Variants in SPRN observed in about 807,000 individuals in gnomAD.
SPRN encodes hypothetical protein BC004409.
For synonymous variants in SPRN, 182 were observed against 123.4 expected (o/e 1.48, Z -3.15); for missense variants, 312 against 241.4 (o/e 1.29, Z -1.94).
In SPRN at chr10:133,423,488, C is replaced by T. The variant is rs1380079061; in HGVS notation, c.194G>A (p.Arg65His). 8.6e-7 allele frequency: 1 copy of T among 1,161,954 alleles called. No individual in the cohort carries two copies. The highest frequency in any genetic ancestry group is 1.1e-6 in the Non-Finnish European group (1 of 947,234). 72.0% of individuals were successfully genotyped at this position (1,161,954 alleles called of 1,614,324 possible). A position where few individuals can be genotyped will look rare whatever the true frequency, so the allele number is the denominator to read the frequency against. ...GGCTGCCGCCCCGGCGGCAGCCACG[C>T]GCAGGGAGGAGCCCGGGGCACCGTA... is the stretch of plus-strand genomic sequence containing the variant. The part of the protein sequence containing the change: ...QRYGAPGSSL[R>H]VAAAGAAAGA... Residue 65 changes from arginine (R) to histidine (H), a missense_variant, in exon 2 of 2, where the codon CGC becomes CAC. By Grantham distance (29) the Arg-to-His change is conservative. Transcript: ENST00000685335.
chr10:133,422,889 G>C lies in SPRN; in HGVS notation c.*337C>G, dbSNP rs1040564107. 4.3e-6 allele frequency: 1 copy of C among 235,048 alleles called. No individual in the cohort carries two copies. The highest frequency in any genetic ancestry group is 8.2e-6 in the Non-Finnish European group (1 of 121,872). The allele number at this position is 235,048 out of a possible 1,614,324, so 14.6% of individuals were successfully genotyped here. A position where few individuals can be genotyped will look rare whatever the true frequency, so the allele number is the denominator to read the frequency against. Reference sequence around the variant, plus strand: ...TGGGCAGGCGAGGGGAGCCGGGGTGGCTTGGGTTCCTGGCCTTGGCACCTC... The same window carrying C: ...TGGGCAGGCGAGGGGAGCCGGGGTGCCTTGGGTTCCTGGCCTTGGCACCTC... On this transcript the variant is annotated 3_prime_UTR_variant, in exon 2 of 2. Transcript: ENST00000685335.
In SPRN at chr10:133,423,185, G is replaced by A. The variant is rs1850285151; in HGVS notation, c.*41C>T. On this transcript the variant is annotated 3_prime_UTR_variant, in exon 2 of 2. Transcript: ENST00000685335. ...AGGCCGGAGGATCCTGGGGGATGGC[G>A]CGGGCCGGGGGCCAGATGTGGTCCC... 2 of 1,360,474 alleles carry A rather than the reference G, an allele frequency of 1.5e-6. 1 individual carries two copies. Among genetic ancestry groups the A allele is most frequent in the South Asian group, 3.4e-5 (2 of 58,846 alleles). 84.3% of individuals were successfully genotyped at this position (1,360,474 alleles called of 1,614,324 possible). A position where few individuals can be genotyped will look rare whatever the true frequency, so the allele number is the denominator to read the frequency against.
At position 133,423,460 on chromosome 10, in the gene SPRN, C is replaced by T. The variant is rs1399883713; in HGVS notation, c.222G>A (p.Gly74=). The T allele has an allele frequency of 2.2e-5, 26 of 1,178,626 alleles. No homozygotes were observed. Among genetic ancestry groups the T allele is most frequent in the African/African-American group, 1.5e-4 (9 of 60,086 alleles). 73.0% of individuals were successfully genotyped at this position (1,178,626 alleles called of 1,614,324 possible). A position where few individuals can be genotyped will look rare whatever the true frequency, so the allele number is the denominator to read the frequency against. Residue 74 remains glycine, a synonymous_variant, in exon 2 of 2, where the codon GGG becomes GGA. Coordinates refer to ENST00000685335, the MANE Select transcript of SPRN (RefSeq NM_001391974.1). ...LRVAAAGAAA[G]AAAGAAAGLA... The stretch of plus-strand genomic sequence containing the variant: ...GGCCCGCGGCCGCTCCCGCCGCCGC[C>T]CCGGCTGCCGCCCCGGCGGCAGCCA...
chr10:133,422,893 G>T lies in SPRN; in HGVS notation c.*333C>A. 4.2e-6 allele frequency: 1 copy of T among 239,422 alleles called. No individual in the cohort carries two copies. Among genetic ancestry groups the T allele is most frequent in the Non-Finnish European group, 8.0e-6 (1 of 124,928 alleles). The allele number at this position is 239,422 out of a possible 1,614,324, so 14.8% of individuals were successfully genotyped here. A position where few individuals can be genotyped will look rare whatever the true frequency, so the allele number is the denominator to read the frequency against. ...CAGGCGAGGGGAGCCGGGGTGGCTT[G>T]GGTTCCTGGCCTTGGCACCTCCCTT... On this transcript the variant is annotated 3_prime_UTR_variant, in exon 2 of 2. Transcript: ENST00000685335.
Position 133,423,436 on chromosome 10 carries a change from GC to G in SPRN, c.245del (p.Gly82AlafsTer135). On this transcript the variant is annotated frameshift_variant, in exon 2 of 2. Coordinates refer to ENST00000685335, the MANE Select transcript of SPRN (RefSeq NM_001391974.1). LOFTEE classifies it low-confidence loss of function (END_TRUNC). Reference sequence around the variant, plus strand: ...TTCTCCAGCCCGAGCCCGCCGCCAGGCCCGCGGCCGCTCCCGCCGCCGCCCC... The same window carrying G: ...TTCTCCAGCCCGAGCCCGCCGCCAGGCCGCGGCCGCTCCCGCCGCCGCCCC... ...AAGAAAGAAA[G>X]LAAGSGWRRA... The G allele has an allele frequency of 7.8e-7, 1 of 1,277,456 alleles. No homozygotes were observed. Among genetic ancestry groups the G allele is most frequent in the Non-Finnish European group, 9.8e-7 (1 of 1,015,736 alleles). The allele number at this position is 1,277,456 out of a possible 1,614,324, so 79.1% of individuals were successfully genotyped here. A position where few individuals can be genotyped will look rare whatever the true frequency, so the allele number is the denominator to read the frequency against.
In SPRN at chr10:133,423,512, T is replaced by G. The variant is rs958511159; in HGVS notation, c.170A>C (p.Tyr57Ser). The change falls in exon 2 of 2, where the codon TAC becomes TCC. Residue 57 changes from tyrosine (Y) to serine (S), a missense_variant. Coordinates refer to ENST00000685335, the MANE Select transcript of SPRN (RefSeq NM_001391974.1). ...GCGCAGGGAGGAGCCCGGGGCACCGTAGCGCTGCGCCGGCCTCACGCGCAC... is the reference window on the plus strand; with the variant it reads ...GCGCAGGGAGGAGCCCGGGGCACCGGAGCGCTGCGCCGGCCTCACGCGCAC... ...SRVRVRPAQR[Y>S]GAPGSSLRVA... The G allele has an allele frequency of 8.5e-7, 1 of 1,182,194 alleles. No individual in the cohort carries two copies. The highest frequency in any genetic ancestry group is 1.0e-6 in the Non-Finnish European group (1 of 959,142). The allele number at this position is 1,182,194 out of a possible 1,614,324, so 73.2% of individuals were successfully genotyped here.
At position 133,423,202 on chromosome 10, in the gene SPRN, T is replaced by A. The variant is rs1850285947; in HGVS notation, c.*24A>T. 3 of 1,399,336 alleles carry A rather than the reference T, an allele frequency of 2.1e-6. No homozygotes were observed. In the Admixed American group the frequency reaches 8.3e-5, roughly 39 times the overall value. 86.7% of individuals were successfully genotyped at this position (1,399,336 alleles called of 1,614,324 possible). On this transcript the variant is annotated 3_prime_UTR_variant, in exon 2 of 2. Transcript: ENST00000685335. ...GGGATGGCGCGGGCCGGGGGCCAGATGTGGTCCCCGAGCCCAGCCAGGCCT... is the reference window on the plus strand; with the variant it reads ...GGGATGGCGCGGGCCGGGGGCCAGAAGTGGTCCCCGAGCCCAGCCAGGCCT...
At position 133,423,562 on chromosome 10, in the gene SPRN, G is replaced by C; in HGVS notation, c.120C>G (p.Arg40=). The C allele has an allele frequency of 7.6e-7, 1 of 1,312,622 alleles. No individual in the cohort carries two copies. Among genetic ancestry groups the C allele is most frequent in the Non-Finnish European group, 9.7e-7 (1 of 1,032,314 alleles). The allele number at this position is 1,312,622 out of a possible 1,614,324, so 81.3% of individuals were successfully genotyped here. ...GARGSARGGV[R]GGARGASRVR... is the part of the protein sequence containing the mutation. ...CCCTCGAGGCCCCGCGCGCACCCCC[G>C]CGGACCCCTCCCCGGGCACTGCCCC... Residue 40 remains arginine, a synonymous_variant, in exon 2 of 2, where the codon CGC becomes CGG. Transcript: ENST00000685335.
Position 133,423,281 on chromosome 10 carries a change from C to A in SPRN, c.401G>T (p.Arg134Leu). 6.6e-7 allele frequency: 1 copy of A among 1,516,148 alleles called. No homozygotes were observed. The allele number at this position is 1,516,148 out of a possible 1,614,324, so 93.9% of individuals were successfully genotyped here. A position where few individuals can be genotyped will look rare whatever the true frequency, so the allele number is the denominator to read the frequency against. The change falls in exon 2 of 2, where the codon CGT (arginine) becomes CTT (leucine). Residue 134 changes from arginine to leucine, a missense_variant. Coordinates refer to ENST00000685335, the MANE Select transcript of SPRN (RefSeq NM_001391974.1). ...TSGAGPTRGP[R>L]LCLVLGGALG... ...GGCGCCGCCCAGCACGAGACAGAGA[C>A]GCGGGCCGCGCGTGGGTCCAGCGCC...
rs1199060540 is a variant in SPRN at position 133,423,265 on chromosome 10, C to T, written c.417G>A (p.Leu139=). 2 of 1,498,346 alleles carry T rather than the reference C, an allele frequency of 1.3e-6. No individual in the cohort carries two copies. Among genetic ancestry groups the T allele is most frequent in the Non-Finnish European group, 1.8e-6 (2 of 1,127,270 alleles). 92.8% of individuals were successfully genotyped at this position (1,498,346 alleles called of 1,614,324 possible). Residue 139 remains leucine (L), a synonymous_variant, in exon 2 of 2, where the codon CTG becomes CTA. Coordinates refer to ENST00000685335, the MANE Select transcript of SPRN (RefSeq NM_001391974.1). ...PTRGPRLCLV[L]GGALGALGLL... ...GCCCCAGGGCTCCGAGGGCGCCGCC[C>T]AGCACGAGACAGAGACGCGGGCCGC...
chr10:133,423,367 GTCC>G lies in SPRN; in HGVS notation c.312_314del (p.Glu104del). ...CTGTCCCGTTGCCTCCGGGCACCCC[GTCC>G]TCCTCGTCCTCCAGGCCGCGTTCCC... On this transcript the variant is annotated inframe_deletion, in exon 2 of 2. Coordinates refer to ENST00000685335, the MANE Select transcript of SPRN (RefSeq NM_001391974.1). 19 of 1,508,628 alleles carry G rather than the reference GTCC, an allele frequency of 1.3e-5. No homozygotes were observed. Among genetic ancestry groups the G allele is most frequent in the Non-Finnish European group, 1.6e-5 (18 of 1,133,990 alleles). 93.5% of individuals were successfully genotyped at this position (1,508,628 alleles called of 1,614,324 possible).
At chr10:133,424,273 T>C (rs1171522738) in intron 1 of SPRN, among the ~76,000 whole-genome samples, 200 bp downstream of exon 1, 1 of 127,120 alleles carries the variant, frequency 7.9e-6, no homozygotes, top group Non-Finnish European at 1.6e-5. Flanking sequence ...AGCAGACCCG[T>C]GCCCCAGGGG....
In SPRN at chr10:133,423,511, G is replaced by A. The variant is rs562098774; in HGVS notation, c.171C>T (p.Tyr57=). Reference sequence around the variant, plus strand: ...CGCGCAGGGAGGAGCCCGGGGCACCGTAGCGCTGCGCCGGCCTCACGCGCA... The same window carrying A: ...CGCGCAGGGAGGAGCCCGGGGCACCATAGCGCTGCGCCGGCCTCACGCGCA... ...SRVRVRPAQR[Y]GAPGSSLRVA... The change falls in exon 2 of 2, where the codon TAC becomes TAT. Residue 57 remains tyrosine, a synonymous_variant. Coordinates refer to ENST00000685335, the MANE Select transcript of SPRN (RefSeq NM_001391974.1). 3.4e-6 allele frequency: 4 copies of A among 1,180,334 alleles called. No individual in the cohort carries two copies. The highest frequency in any genetic ancestry group is 4.7e-5 in the Admixed American group (1 of 21,404). 73.1% of individuals were successfully genotyped at this position (1,180,334 alleles called of 1,614,324 possible). A position where few individuals can be genotyped will look rare whatever the true frequency, so the allele number is the denominator to read the frequency against.
At position 133,423,308 on chromosome 10, in the gene SPRN, G is replaced by A. The variant is rs1477928028; in HGVS notation, c.374C>T (p.Ser125Leu). The A allele has an allele frequency of 1.1e-5, 17 of 1,521,828 alleles. No homozygotes were observed. The African/African-American group carries it at 2.0e-4, about 18-fold the overall frequency. 94.3% of individuals were successfully genotyped at this position (1,521,828 alleles called of 1,614,324 possible). A position where few individuals can be genotyped will look rare whatever the true frequency, so the allele number is the denominator to read the frequency against. Reference protein sequence around the residue: ...PGIYSYRAWTSGAGPTRGPRL... With the variant: ...PGIYSYRAWTLGAGPTRGPRL... ...CGGGCCGCGCGTGGGTCCAGCGCCCGAAGTCCACGCCCGGTAGCTGTAGAT... is the reference window on the plus strand; with the variant it reads ...CGGGCCGCGCGTGGGTCCAGCGCCCAAAGTCCACGCCCGGTAGCTGTAGAT... The change falls in exon 2 of 2, where the codon TCG becomes TTG. Residue 125 changes from serine (S) to leucine (L), a missense_variant. Physicochemically the swap from Ser to Leu is moderately radical, Grantham distance 145. Coordinates refer to ENST00000685335, the MANE Select transcript of SPRN (RefSeq NM_001391974.1).
chr10:133,422,596 G>A lies in SPRN; in HGVS notation c.*630C>T, dbSNP rs1314080027. 6.6e-6 allele frequency: 1 copy of A among 152,278 alleles called. No individual in the cohort carries two copies. The highest frequency in any genetic ancestry group is 2.4e-5 in the African/African-American group (1 of 41,424). The allele number at this position is 152,278 out of a possible 1,614,324, so 9.4% of individuals were successfully genotyped here. On this transcript the variant is annotated 3_prime_UTR_variant, in exon 2 of 2. Coordinates refer to ENST00000685335, the MANE Select transcript of SPRN (RefSeq NM_001391974.1). ...GGAGAAGGCCTGGACAGCCCCTCAG[G>A]GCAGGGTGTGTTTTCCCACCAGCCG...
chr10:133,423,847 G>GT, intron 1 of SPRN, 150 bp from the exon 2 acceptor site: 2 of 504,328 alleles, frequency 4.0e-6, no homozygotes, highest in Non-Finnish European at 6.6e-6. Context: ...GCCTGGGGGG[G>GT]CGCGGTTTAA....
intron 1 of SPRN, among the ~76,000 whole-genome samples, chr10:133,424,003 CGGG>C (rs1850313125): frequency 3.6e-5 from 3 of 83,160 alleles, no homozygotes; most frequent in African/African-American, 5.5e-5. Flanking sequence ...CGTCCAGGCC[CGGG>C]CGGGGGAGCA....
chr10:133,423,549 C>T lies in SPRN; in HGVS notation c.133G>A (p.Gly45Arg), dbSNP rs781583172. The T allele has an allele frequency of 3.9e-6, 5 of 1,266,704 alleles. No homozygotes were observed. Among genetic ancestry groups the T allele is most frequent in the African/African-American group, 3.2e-5 (2 of 63,488 alleles). 78.5% of individuals were successfully genotyped at this position (1,266,704 alleles called of 1,614,324 possible). The change falls in exon 2 of 2, where the codon GGG becomes AGG. Residue 45 changes from glycine to arginine, a missense_variant. By Grantham distance (125) the Gly-to-Arg change is moderately radical (BLOSUM62 -2). Transcript: ENST00000685335. Reference sequence around the variant, plus strand: ...GGCCTCACGCGCACCCTCGAGGCCCCGCGCGCACCCCCGCGGACCCCTCCC... The same window carrying T: ...GGCCTCACGCGCACCCTCGAGGCCCTGCGCGCACCCCCGCGGACCCCTCCC... ...ARGGVRGGARGASRVRVRPAQ... is the reference protein window; with the variant it reads ...ARGGVRGGARRASRVRVRPAQ...
chr10:133,423,098 GC>G lies in SPRN; in HGVS notation c.*127del. The G allele has an allele frequency of 9.9e-7, 1 of 1,009,132 alleles. No homozygotes were observed. The highest frequency in any genetic ancestry group is 1.7e-5 in the South Asian group (1 of 57,870). The allele number at this position is 1,009,132 out of a possible 1,614,324, so 62.5% of individuals were successfully genotyped here. On this transcript the variant is annotated 3_prime_UTR_variant, in exon 2 of 2. Transcript: ENST00000685335. ...GGTGGATGGCGGGTCCACAGGGACA[GC>G]CAGCAGCTCCTGCACCCAGTGGGGC...
Sources: gnomAD v4.1 joint callset for allele counts (sites outside exome capture counted in the v4.1 genomes callset) on GRCh38, gnomAD v4.1.1 for gene constraint, MANE v1.5 for transcripts, NCBI Gene and HGNC (gene_info 2026-07-23, HGNC 2026-07-21) for gene names.